The following PAX5 variants were observed in gnomAD, a reference collection of about 807,000 sequenced individuals.
PAX5 encodes the protein paired box protein Pax-5.
A neutral mutation model predicts 43.7 loss-of-function variants in PAX5; 9 were observed. The ratio of observed to expected loss-of-function variants is 0.21; its 90% confidence interval spans 0.12 to 0.36. The LOEUF (loss-of-function observed/expected upper bound fraction) is 0.36, where lower values mean the gene tolerates loss of function less well. Ranked by LOEUF, PAX5 falls within the 10% of genes least tolerant of loss-of-function variation. The pLI is 1.00. For missense variants in PAX5, 383 were observed against 532.7 expected, an observed-to-expected ratio of 0.72 and a Z score of 2.77; for synonymous variants, 228 against 214.3, an observed-to-expected ratio of 1.06 and a Z score of -0.56.
At chr9:36,900,348 T>C (rs1342640049) in intron 7 of PAX5, among the ~76,000 whole-genome samples, 1 of 152,190 alleles carries the variant, frequency 6.6e-6, no homozygotes, top group Admixed American at 6.5e-5. Flanking sequence ...GCGACGGTTG[T>C]GTGAACCAAA....
chr9:36,868,661 C>T (rs1289545961), intron 8 of PAX5, among the ~76,000 whole-genome samples: 1 of 152,126 alleles, frequency 6.6e-6, no homozygotes, highest in Non-Finnish European at 1.5e-5. Context: ...ACCTATGTCC[C>T]TGAGGGAGCA....
chr9:36,972,414 G>A (rs1834990630), intron 5 of PAX5, among the ~76,000 whole-genome samples: 1 of 152,226 alleles, frequency 6.6e-6, no homozygotes, highest in Non-Finnish European at 1.5e-5. Context: ...AGTAAGCTAA[G>A]GTAGCTGAGT....
intron 8 of PAX5, among the ~76,000 whole-genome samples, chr9:36,849,090 G>C (rs1478228535): frequency 6.6e-6 from 1 of 152,192 alleles, no homozygotes; most frequent in Non-Finnish European, 1.5e-5. Flanking sequence ...CTGCAGCACT[G>C]GCTTTGCCCT....
intron 8 of PAX5, among the ~76,000 whole-genome samples, chr9:36,868,481 C>T (rs1825117821): frequency 6.6e-6 from 1 of 152,156 alleles, no homozygotes; most frequent in African/African-American, 2.4e-5. Flanking sequence ...CGGTGGGGGG[C>T]TTCCTGTAAG....
At chr9:36,976,255 A>T (rs1835417810) in intron 5 of PAX5, among the ~76,000 whole-genome samples, 1 of 152,142 alleles carries the variant, frequency 6.6e-6, no homozygotes, top group Non-Finnish European at 1.5e-5. Context: ...TCAGAGTCCA[A>T]CAACAACAAC....
intron 5 of PAX5, among the ~76,000 whole-genome samples, chr9:36,983,268 A>G (rs1836093168): frequency 6.6e-6 from 1 of 152,232 alleles, no homozygotes; most frequent in African/African-American, 2.4e-5. Context: ...TAATTTCAGA[A>G]AATCAGTTCA....
intron 8 of PAX5, among the ~76,000 whole-genome samples, chr9:36,859,515 G>A (rs1245757166): frequency 1.3e-5 from 2 of 152,064 alleles, no homozygotes; most frequent in Non-Finnish European, 2.9e-5. Flanking sequence ...CTCCTTCAGC[G>A]TCTGCACCCG....
At chr9:36,933,241 C>T (rs981004572) in intron 6 of PAX5, among the ~76,000 whole-genome samples, 2 of 152,070 alleles carry the variant, frequency 1.3e-5, no homozygotes, top group East Asian at 3.9e-4. Context: ...CGCCTGTCAC[C>T]GCTCATCAGC....
rs1008492739 is a variant in PAX5, at chr9:37,025,778, T to C, written c.47-4977A>G. 5.3e-5 allele frequency among the ~76,000 whole-genome samples: 8 copies of C among 152,356 alleles called. No individual in the cohort carries two copies. The East Asian group carries it at 5.8e-4, about 11-fold the overall frequency. Reference sequence around the variant, plus strand: ...CCGTCTCCTACACACGCTGCGTCTTTCAGAGGCGGGGGTGCCTGCGTGGTA... The same window carrying C: ...CCGTCTCCTACACACGCTGCGTCTTCCAGAGGCGGGGGTGCCTGCGTGGTA... On this transcript the variant is annotated intron_variant, in intron 1 of 9. Transcript: ENST00000358127.
chr9:36,963,480 T>C (rs926993428), intron 6 of PAX5, among the ~76,000 whole-genome samples: 2 of 152,120 alleles, frequency 1.3e-5, no homozygotes, highest in African/African-American at 2.4e-5. Context: ...CTCTGAACAG[T>C]CTCTCTTGTC....
In PAX5 at chr9:37,034,098, C is replaced by CTTTTTTTTGTTTTTTTTTTTTTT; in HGVS notation, c.-68_-67insAAAAAAAAAAAAAACAAAAAAAA. ...TCCACTTTTTTGTGCCTTTTTTTTT[C>CTTTTTTTTGTTTTTTTTTTTTTT]TTTTTTTTTTTTTTTTTTTTTTTTT... On this transcript the variant is annotated 5_prime_UTR_variant, in exon 1 of 10. Transcript: ENST00000358127. 1 of 313,510 alleles carries CTTTTTTTTGTTTTTTTTTTTTTT rather than the reference C, an allele frequency of 3.2e-6. No homozygotes were observed. The highest frequency in any genetic ancestry group is 5.6e-6 in the Non-Finnish European group (1 of 178,542). The allele number at this position is 313,510 out of a possible 1,614,324, so 19.4% of individuals were successfully genotyped here.
chr9:36,987,363 T>A (rs1836520108), intron 5 of PAX5, among the ~76,000 whole-genome samples: 3 of 152,254 alleles, frequency 2.0e-5, no homozygotes. Context: ...TTCAGAAATG[T>A]GTCCCTTGCC....
chr9:36,907,811 T>C (rs1274931528), intron 7 of PAX5, among the ~76,000 whole-genome samples: 1 of 152,146 alleles, frequency 6.6e-6, no homozygotes, highest in Non-Finnish European at 1.5e-5. Flanking sequence ...ACATACCAAA[T>C]CGCCAACTCT....
chr9:36,946,402 C>T (rs147344882), intron 6 of PAX5, among the ~76,000 whole-genome samples: 5 of 152,144 alleles, frequency 3.3e-5, no homozygotes, highest in Admixed American at 1.3e-4. Context: ...GAGCAGCTGA[C>T]CTCAGTGTGT....
chr9:36,944,414 C>T (rs1832330308), intron 6 of PAX5, among the ~76,000 whole-genome samples: 2 of 152,162 alleles, frequency 1.3e-5, no homozygotes, highest in Non-Finnish European at 1.5e-5. Flanking sequence ...GCCAGGACGG[C>T]ACCCAGACAG....
At chr9:36,847,682 G>A (rs1418988064) in intron 8 of PAX5, among the ~76,000 whole-genome samples, 1 of 152,202 alleles carries the variant, frequency 6.6e-6, no homozygotes, top group Non-Finnish European at 1.5e-5. Context: ...GTGCCAGGGT[G>A]TGATGAGCAT....
intron 8 of PAX5, among the ~76,000 whole-genome samples, chr9:36,861,664 G>T (rs1293035578): frequency 6.6e-6 from 1 of 151,924 alleles, no homozygotes; most frequent in Non-Finnish European, 1.5e-5. Flanking sequence ...AGGCCCTGGG[G>T]CAGGAGTGTG....
chr9:36,837,086 C>G lies in PAX5; in HGVS notation c.*3474G>C, dbSNP rs1412298146. The G allele has an allele frequency of 1.3e-5, 3 of 232,536 alleles. No individual in the cohort carries two copies. The highest frequency in any genetic ancestry group is 2.5e-5 in the Non-Finnish European group (3 of 117,890). The allele number at this position is 232,536 out of a possible 1,614,324, so 14.4% of individuals were successfully genotyped here. A position where few individuals can be genotyped will look rare whatever the true frequency, so the allele number is the denominator to read the frequency against. Reference sequence around the variant, plus strand: ...GCCTGATTGTGGGTCTGGGGGATTTCTAGGGAATGGGGGTGGGGGAGTGTC... The same window carrying G: ...GCCTGATTGTGGGTCTGGGGGATTTGTAGGGAATGGGGGTGGGGGAGTGTC... On this transcript the variant is annotated 3_prime_UTR_variant, in exon 10 of 10. Transcript: ENST00000358127.
intron 7 of PAX5, among the ~76,000 whole-genome samples, chr9:36,906,308 A>G (rs1363500858): frequency 6.6e-6 from 1 of 152,168 alleles, no homozygotes; most frequent in East Asian, 1.9e-4. Context: ...TAACCACAAG[A>G]GATTTTAGAA....
Sources: allele counts gnomAD v4.1 joint callset (sites outside exome capture counted in the v4.1 genomes callset), GRCh38; gene constraint gnomAD v4.1.1; transcripts MANE v1.5; gene names NCBI Gene and HGNC (gene_info 2026-07-23, HGNC 2026-07-21).